The following SLC15A2 variants were observed in gnomAD, a reference collection of about 807,000 sequenced individuals.
SLC15A2 encodes solute carrier family 15 member 2.
In SLC15A2, 77 loss-of-function variants were observed where a neutral mutation model predicts 95.5. The ratio of observed to expected loss-of-function variants is 0.81; its 90% confidence interval spans 0.67 to 0.97. SLC15A2 has a LOEUF of 0.97. Among genes scored for constraint, SLC15A2 ranks in the 50% least tolerant of loss-of-function variants. The pLI is 0.00. For synonymous variants in SLC15A2, 306 were observed against 306.9 expected, an observed-to-expected ratio of 1.00 and a Z score of 0.03; for missense variants, 893 against 874.4, an observed-to-expected ratio of 1.02 and a Z score of -0.27.
At chr3:121,917,690 A>G (rs913552830) in intron 7 of SLC15A2, among the ~76,000 whole-genome samples, 1 of 152,094 alleles carries the variant, frequency 6.6e-6, no homozygotes, top group Non-Finnish European at 1.5e-5. Flanking sequence ...CCTGTCTCAA[A>G]AATAAATAAA....
At chr3:121,895,527 T>A (rs906744757) in intron 1 of SLC15A2, among the ~76,000 whole-genome samples, 8 of 152,226 alleles carry the variant, frequency 5.3e-5, no homozygotes, top group African/African-American at 1.9e-4. Flanking sequence ...ATGATATCTC[T>A]TCTGGTCCCA....
chr3:121,926,728 G>C (rs958710260), intron 13 of SLC15A2, among the ~76,000 whole-genome samples: 1 of 152,216 alleles, frequency 6.6e-6, no homozygotes, highest in Non-Finnish European at 1.5e-5. Flanking sequence ...CCATCCTCCA[G>C]ACCCCAGAAT....
At chr3:121,912,722 C>T (rs1014429001) in intron 4 of SLC15A2, among the ~76,000 whole-genome samples, 5 of 152,092 alleles carry the variant, frequency 3.3e-5, no homozygotes, top group African/African-American at 4.8e-5. Flanking sequence ...AGTGTGTTAG[C>T]TTTGGAGTTC....
intron 7 of SLC15A2, among the ~76,000 whole-genome samples, chr3:121,920,457 G>A (rs909625444): frequency 6.6e-6 from 1 of 152,138 alleles, no homozygotes; most frequent in African/African-American, 2.4e-5. Context: ...ACCACGCCCA[G>A]CTAATTTTTG....
intron 7 of SLC15A2, among the ~76,000 whole-genome samples, chr3:121,916,422 G>T (rs1709895441): frequency 6.6e-6 from 1 of 152,090 alleles, no homozygotes. Flanking sequence ...CCCCTTGGAA[G>T]ATATCCAGTG....
intron 3 of SLC15A2, among the ~76,000 whole-genome samples, chr3:121,903,149 CT>C (rs1239276272): frequency 6.6e-6 from 1 of 152,126 alleles, no homozygotes; most frequent in African/African-American, 2.4e-5. Context: ...GCATAAATGT[CT>C]TCTTTTGAAA....
In SLC15A2 at chr3:121,899,173, G is replaced by A. The variant is rs563924286; in HGVS notation, c.335+1644G>A. Among the ~76,000 whole-genome samples the A allele has an allele frequency of 5.3e-5, 8 of 152,246 alleles. No individual in the cohort carries two copies. The South Asian group carries it at 1.7e-3, about 32-fold the overall frequency. ...CAGTTACAGGATTTGGTGAGCAATT[G>A]TTTCCTGGTTAATTCAGAGAAAATT... On this transcript the variant is annotated intron_variant, in intron 3 of 21. Coordinates refer to ENST00000489711, the MANE Select transcript of SLC15A2 (RefSeq NM_021082.4).
intron 3 of SLC15A2, among the ~76,000 whole-genome samples, chr3:121,906,215 A>G (rs1177550684): frequency 1.3e-5 from 2 of 151,892 alleles, no homozygotes; most frequent in African/African-American, 2.4e-5. Context: ...GCTTTGGTAG[A>G]TCTTCCTCTA....
intron 5 of SLC15A2, 114 bp from the exon 6 acceptor site, chr3:121,915,113 G>C: frequency 2.7e-6 from 3 of 1,093,244 alleles, no homozygotes; most frequent in Non-Finnish European, 3.9e-6. Context: ...AGGTATTGTG[G>C]AGGCAATATC....
At chr3:121,915,571 T>A in intron 6 of SLC15A2, 45 bp from the exon 7 acceptor site, 1 of 1,417,948 alleles carries the variant, frequency 7.1e-7, no homozygotes, top group Non-Finnish European at 1.0e-6. Flanking sequence ...CATCAAATAT[T>A]CAAGACTCAG....
intron 19 of SLC15A2, among the ~76,000 whole-genome samples, chr3:121,938,034 T>G (rs1400531318): frequency 4.6e-5 from 7 of 151,626 alleles, no homozygotes. Flanking sequence ...ATGTGAGGTG[T>G]CAGTCTGCCC....
chr3:121,933,123 G>A (rs1710266235), intron 19 of SLC15A2, among the ~76,000 whole-genome samples: 1 of 142,242 alleles, frequency 7.0e-6, no homozygotes. Context: ...AGTATTCCAT[G>A]GTGTATATGT....
intron 19 of SLC15A2, among the ~76,000 whole-genome samples, 173 bp downstream of exon 19, chr3:121,931,908 A>AT (rs748230845): frequency 2.0e-5 from 3 of 151,830 alleles, no homozygotes; most frequent in Non-Finnish European, 2.9e-5. Context: ...TTTTATTTTT[A>AT]TTTTTTTTGA....
chr3:121,936,569 C>G lies in SLC15A2; in HGVS notation c.1762-2780C>G, dbSNP rs1259964834. Among the ~76,000 whole-genome samples the G allele has an allele frequency of 3.3e-5, 5 of 151,876 alleles. No individual in the cohort carries two copies. The East Asian group carries it at 9.6e-4, about 29-fold the overall frequency. On this transcript the variant is annotated intron_variant, in intron 19 of 21. Coordinates refer to ENST00000489711, the MANE Select transcript of SLC15A2 (RefSeq NM_021082.4). ...TTTGTTGGTTTAAAGTCTGTTTTAT[C>G]AGAGACTAGGATTGCAACCCCTGCA...
chr3:121,930,840 G>A lies in SLC15A2; in HGVS notation c.1554G>A (p.Arg518=). 1 of 1,593,676 alleles carries A rather than the reference G, an allele frequency of 6.3e-7. No homozygotes were observed. The highest frequency in any genetic ancestry group is 8.6e-7 in the Non-Finnish European group (1 of 1,161,768). The change falls in exon 18 of 22, where the codon AGG becomes AGA. Residue 518 remains arginine (R), a splice_region_variant and synonymous_variant. Transcript: ENST00000489711. ...SRTTNGMTTV[R]FVNTLHKDVN... is the part of the protein sequence containing the mutation. ...ATGTAAATAATATCTCTACCCTCAG[G>A]TTTGTTAACACTTTGCATAAAGATG...
At chr3:121,939,616 A>G (rs1244657817) in intron 20 of SLC15A2, 121 bp downstream of exon 20, 1 of 744,266 alleles carries the variant, frequency 1.3e-6, no homozygotes, top group African/African-American at 1.8e-5. Flanking sequence ...CTTATTTATG[A>G]CCCTGAACAT....
At chr3:121,938,318 G>A (rs1710390994) in intron 19 of SLC15A2, among the ~76,000 whole-genome samples, 1 of 152,268 alleles carries the variant, frequency 6.6e-6, no homozygotes, top group Non-Finnish European at 1.5e-5. Flanking sequence ...CGGCTGCTTT[G>A]TTTACCTAAG....
chr3:121,923,728 CA>C, intron 11 of SLC15A2, among the ~76,000 whole-genome samples: 1 of 152,078 alleles, frequency 6.6e-6, no homozygotes, highest in East Asian at 1.9e-4. Flanking sequence ...TCTCTTTTTC[CA>C]AACTCCATTC....
chr3:121,935,549 T>C (rs1415674042), intron 19 of SLC15A2, among the ~76,000 whole-genome samples: 3,537 of 151,608 alleles, frequency 0.023, 121 homozygotes, highest in African/African-American at 0.082. Context: ...AGTTTATTTG[T>C]GTAGAGGTGT....
Sources: gnomAD v4.1 joint callset for allele counts (sites outside exome capture counted in the v4.1 genomes callset) on GRCh38, gnomAD v4.1.1 for gene constraint, MANE v1.5 for transcripts, NCBI Gene and HGNC (gene_info 2026-07-23, HGNC 2026-07-21) for gene names.